TRIM33: variants seen among roughly 807,000 people sequenced by gnomAD.
TRIM33 encodes tripartite motif containing 33, also known as E3 ubiquitin-protein ligase TRIM33.
Under a neutral mutation model 125.4 loss-of-function variants are expected in TRIM33, and 20 were observed. The observed-to-expected ratio is 0.16, with a 90% CI of 0.11 to 0.23. The LOEUF (loss-of-function observed/expected upper bound fraction) is 0.23. Ranked by LOEUF, TRIM33 falls within the 10% of genes least tolerant of loss-of-function variation. The pLI is 1.00. For missense variants in TRIM33, 920 were observed against 1,411.4 expected, an observed-to-expected ratio of 0.65 and a Z score of 5.58; for synonymous variants, 564 against 513.9, an observed-to-expected ratio of 1.10 and a Z score of -1.32.
intron 1 of TRIM33, among the ~76,000 whole-genome samples, chr1:114,482,205 C>T (rs1651402638): frequency 6.6e-6 from 1 of 152,092 alleles, no homozygotes; most frequent in African/African-American, 2.4e-5. Context: ...TCACATATGG[C>T]CATTAGGTAC....
Position 114,438,491 on chromosome 1 carries a change from C to G in TRIM33, c.924-4758G>C, listed in dbSNP as rs1229796802. Among the ~76,000 whole-genome samples, 9 of 152,294 alleles carry G rather than the reference C, an allele frequency of 5.9e-5. No individual in the cohort carries two copies. The East Asian group carries it at 9.6e-4, about 16-fold the overall frequency. On this transcript the variant is annotated intron_variant, in intron 4 of 19. Transcript: ENST00000358465. ...TGTGAAGAAAACTCCAAACATCATACTTTATCTAAACATTTCTCAATCTAT... is the reference window on the plus strand; with the variant it reads ...TGTGAAGAAAACTCCAAACATCATAGTTTATCTAAACATTTCTCAATCTAT...
chr1:114,493,524 A>G (rs183774564), intron 1 of TRIM33, among the ~76,000 whole-genome samples: 72 of 152,218 alleles, frequency 4.7e-4, no homozygotes, highest in African/African-American at 1.7e-3. Context: ...GCCCCAAGCA[A>G]TGCTCCCACC....
chr1:114,495,349 G>T (rs1652309682), intron 1 of TRIM33, among the ~76,000 whole-genome samples: 1 of 152,026 alleles, frequency 6.6e-6, no homozygotes, highest in Non-Finnish European at 1.5e-5. Context: ...CCACATTTAG[G>T]TATAATTTTA....
intron 16 of TRIM33, 96 bp from the exon 17 acceptor site, chr1:114,401,559 A>T (rs1360205772): frequency 5.3e-6 from 5 of 936,142 alleles, no homozygotes; most frequent in Middle Eastern, 2.2e-4. Flanking sequence ...GTTTGATTAC[A>T]ACAAACTGAA....
chr1:114,412,495 A>G (rs1040306104), intron 11 of TRIM33, among the ~76,000 whole-genome samples: 16 of 152,182 alleles, frequency 1.1e-4, no homozygotes, highest in African/African-American at 3.9e-4. Context: ...TATCACCCCC[A>G]AGATTCCTCA....
At chr1:114,470,464 C>T (rs1370695185) in intron 1 of TRIM33, among the ~76,000 whole-genome samples, 8 of 152,116 alleles carry the variant, frequency 5.3e-5, no homozygotes, top group Non-Finnish European at 1.2e-4. Context: ...CAAACTTAAT[C>T]AATAAATGTA....
chr1:114,431,419 G>A (rs1466848976), intron 5 of TRIM33, among the ~76,000 whole-genome samples: 2 of 152,098 alleles, frequency 1.3e-5, no homozygotes, highest in Non-Finnish European at 2.9e-5. Flanking sequence ...TCTTAATATG[G>A]TTTCCCTTTG....
chr1:114,401,392 A>G lies in TRIM33; in HGVS notation c.2964T>C (p.Ala988=). The change falls in exon 17 of 20, where the codon GCT becomes GCC. Residue 988 remains alanine (A), a synonymous_variant. Transcript: ENST00000358465. The part of the protein sequence containing the change: ...LSIEFQEPVP[A]SIPNYYKIIK... ...GCTACTAAGGTAGGCAACTCACCGA[A>G]GCAGGAACAGGCTCCTGGAATTCAA... 6.2e-7 allele frequency: 1 copy of G among 1,612,580 alleles called. No homozygotes were observed. The highest frequency in any genetic ancestry group is 8.5e-7 in the Non-Finnish European group (1 of 1,178,986).
rs9728144 is a variant in TRIM33 at position 114,443,369 on chromosome 1, G to A, written c.924-9636C>T. On this transcript the variant is annotated intron_variant, in intron 4 of 19. Transcript: ENST00000358465. ...ATTGCACTTCAGCCTGGGTGACAGAGTAAGACTCCATCTCAAAATGAATGA... is the reference window on the plus strand; with the variant it reads ...ATTGCACTTCAGCCTGGGTGACAGAATAAGACTCCATCTCAAAATGAATGA... Among the ~76,000 whole-genome samples the A allele has an allele frequency of 9.8e-3, 1,473 of 150,756 alleles. 19 individuals are homozygous for A. Among genetic ancestry groups the A allele is most frequent in the African/African-American group, 0.026 (1,046 of 40,322 alleles).
In TRIM33 at chr1:114,408,617, T is replaced by G; in HGVS notation, c.2258+60A>C. 4 of 1,082,018 alleles carry G rather than the reference T, an allele frequency of 3.7e-6. No individual in the cohort carries two copies. In the South Asian group the frequency reaches 4.2e-5, roughly 11 times the overall value. 67.0% of individuals were successfully genotyped at this position (1,082,018 alleles called of 1,614,324 possible). A position where few individuals can be genotyped will look rare whatever the true frequency, so the allele number is the denominator to read the frequency against. ...GGTTCACTGTAATATTCTACTTTTA[T>G]TATACATATTTGCTATTTTTCTTAA... is the stretch of plus-strand genomic sequence containing the variant. On this transcript the variant is annotated intron_variant, in intron 13 of 19. Coordinates refer to ENST00000358465, the MANE Select transcript of TRIM33 (RefSeq NM_015906.4).
chr1:114,412,412 G>A (rs1464097614), intron 11 of TRIM33, among the ~76,000 whole-genome samples: 1 of 152,190 alleles, frequency 6.6e-6, no homozygotes, highest in Non-Finnish European at 1.5e-5. Context: ...AGTACCTGAT[G>A]TGAAAGTTTA....
At chr1:114,482,935 T>A (rs1483057007) in intron 1 of TRIM33, among the ~76,000 whole-genome samples, 1 of 152,244 alleles carries the variant, frequency 6.6e-6, no homozygotes, top group Non-Finnish European at 1.5e-5. Flanking sequence ...GTCTCAGGTA[T>A]GTCTTTATAG....
rs901876590 is a variant in TRIM33 at position 114,511,197 on chromosome 1, G to A, written c.-121C>T. On this transcript the variant is annotated 5_prime_UTR_variant, in exon 1 of 20. Transcript: ENST00000358465. ...GCGGCAGCCGAGAGCTAGCGAGAGA[G>A]CGAACCAACGAGAGCGCGCGCGCAC... The A allele has an allele frequency of 1.0e-5, 10 of 956,526 alleles. No homozygotes were observed. In the African/African-American group the frequency reaches 1.6e-4, roughly 15 times the overall value. The allele number at this position is 956,526 out of a possible 1,614,324, so 59.3% of individuals were successfully genotyped here.
chr1:114,489,991 C>G (rs1435000240), intron 1 of TRIM33, among the ~76,000 whole-genome samples: 1 of 148,114 alleles, frequency 6.8e-6, no homozygotes, highest in Non-Finnish European at 1.5e-5. Context: ...TGGCTCACAC[C>G]TGTAATCCCA....
intron 1 of TRIM33, among the ~76,000 whole-genome samples, chr1:114,500,623 G>C (rs202244517): frequency 4.7e-5 from 7 of 149,904 alleles, no homozygotes; most frequent in Non-Finnish European, 8.9e-5. Flanking sequence ...AAAAAAAAAG[G>C]AGCAAAAGGT....
At chr1:114,414,027 G>GCCCACA in intron 11 of TRIM33, among the ~76,000 whole-genome samples, 1 of 130,684 alleles carries the variant, frequency 7.7e-6, no homozygotes, top group South Asian at 2.8e-4. Flanking sequence ...TAAATCACAG[G>GCCCACA]CACACACACA....
intron 15 of TRIM33, chr1:114,404,600 T>A (rs1232977203): frequency 1.3e-5 from 2 of 152,128 alleles, no homozygotes; most frequent in Non-Finnish European, 2.9e-5. Flanking sequence ...CTTTTCTAAA[T>A]AAGAGTAAAG....
rs544523805 is a variant in TRIM33, at chr1:114,493,938, G to A, written c.526+16613C>T. ...GCCTCCTGATTCAAGCGATTCTCCT[G>A]CCTCAGCCTCCCAAGTAGCGGGATT... On this transcript the variant is annotated intron_variant, in intron 1 of 19. Transcript: ENST00000358465. Among the ~76,000 whole-genome samples, 13 of 152,202 alleles carry A rather than the reference G, an allele frequency of 8.5e-5. No homozygotes were observed. The South Asian group carries it at 2.7e-3, about 32-fold the overall frequency.
intron 10 of TRIM33, among the ~76,000 whole-genome samples, chr1:114,421,958 A>G (rs1325470626): frequency 6.6e-6 from 1 of 152,246 alleles, no homozygotes; most frequent in Admixed American, 6.5e-5. Flanking sequence ...GAGAACTACC[A>G]TTCGGTCATT....
Sources: allele counts gnomAD v4.1 joint callset (sites outside exome capture counted in the v4.1 genomes callset), GRCh38; gene constraint gnomAD v4.1.1; transcripts MANE v1.5; gene names NCBI Gene and HGNC (gene_info 2026-07-23, HGNC 2026-07-21).